Variants in KALRN observed in about 807,000 individuals in gnomAD.
The protein encoded by KALRN is kalirin RhoGEF kinase.
KALRN carries 70 observed loss-of-function variants against 353.7 expected under a neutral mutation model. That is an observed-to-expected ratio of 0.20 (90% CI 0.16 to 0.24). The LOEUF (loss-of-function observed/expected upper bound fraction) is 0.24, where lower values mean the gene tolerates loss of function less well. KALRN is among the 10% of genes least tolerant of loss of function. The pLI is 1.00. For synonymous variants in KALRN, 1,391 were observed against 1,434.8 expected, an observed-to-expected ratio of 0.97 and a Z score of 0.69; for missense variants, 2,791 against 3,756.7, an observed-to-expected ratio of 0.74 and a Z score of 6.72.
chr3:124,132,433 C>T (rs2065412206), intron 1 of KALRN, among the ~76,000 whole-genome samples: 1 of 152,198 alleles, frequency 6.6e-6, no homozygotes, highest in Non-Finnish European at 1.5e-5. Context: ...GAGGGAGCCT[C>T]CATCACTGGG....
intron 10 of KALRN, among the ~76,000 whole-genome samples, chr3:124,382,972 T>C (rs1219947572): frequency 6.6e-6 from 1 of 152,224 alleles, no homozygotes; most frequent in East Asian, 1.9e-4. Context: ...GTGGCAAAAC[T>C]ACTTTCCTCA....
At chr3:124,458,933 CAAAAT>C (rs200303042) in intron 23 of KALRN, among the ~76,000 whole-genome samples, 2,748 of 151,828 alleles carry the variant, frequency 0.018, 39 homozygotes, top group East Asian at 0.073. Flanking sequence ...GAATCCATCT[CAAAAT>C]AAAAAAGAAA....
At chr3:124,507,406 T>C (rs2065357516) in intron 33 of KALRN, among the ~76,000 whole-genome samples, 1 of 152,216 alleles carries the variant, frequency 6.6e-6, no homozygotes, top group Non-Finnish European at 1.5e-5. Flanking sequence ...GTCCCAACCA[T>C]GAAATTTGCT....
chr3:124,486,538 T>A (rs1476880793), intron 28 of KALRN, among the ~76,000 whole-genome samples: 1 of 152,166 alleles, frequency 6.6e-6, no homozygotes, highest in Non-Finnish European at 1.5e-5. Context: ...TTCTTCTTTG[T>A]ACACTCAAAG....
chr3:124,552,694 A>AT (rs1003191871), intron 33 of KALRN, among the ~76,000 whole-genome samples: 1 of 152,034 alleles, frequency 6.6e-6, no homozygotes, highest in Non-Finnish European at 1.5e-5. Flanking sequence ...ATAGTTTACT[A>AT]TTTTTTTCTT....
chr3:124,351,124 T>C (rs1295533065), intron 10 of KALRN, among the ~76,000 whole-genome samples: 1 of 152,084 alleles, frequency 6.6e-6, no homozygotes, highest in Non-Finnish European at 1.5e-5. Context: ...AGGGGTAAAC[T>C]AGGAAGGAAA....
chr3:124,331,129 C>T (rs2080504232), intron 8 of KALRN, among the ~76,000 whole-genome samples: 1 of 152,136 alleles, frequency 6.6e-6, no homozygotes, highest in African/African-American at 2.4e-5. Context: ...AGTAGTAACA[C>T]CTGTCTCATA....
chr3:124,255,023 G>A (rs1051847225), intron 3 of KALRN, among the ~76,000 whole-genome samples: 7 of 152,082 alleles, frequency 4.6e-5, no homozygotes, highest in Non-Finnish European at 8.8e-5. Flanking sequence ...TCAGCTCACT[G>A]CAACCTCCGC....
chr3:124,407,255 T>G (rs2091659920), intron 13 of KALRN, among the ~76,000 whole-genome samples: 1 of 152,214 alleles, frequency 6.6e-6, no homozygotes, highest in East Asian at 1.9e-4. Context: ...CTCCTGACAG[T>G]TAATCAGCAC....
intron 27 of KALRN, among the ~76,000 whole-genome samples, chr3:124,478,118 T>C (rs2061600258): frequency 6.6e-6 from 1 of 152,138 alleles, no homozygotes; most frequent in Non-Finnish European, 1.5e-5. Context: ...AAGGGGTCCC[T>C]GCAGGATTCA....
chr3:124,089,356 G>A (rs534874045), intron 1 of KALRN, among the ~76,000 whole-genome samples: 2 of 152,276 alleles, frequency 1.3e-5, no homozygotes, highest in African/African-American at 4.8e-5. Flanking sequence ...GGCTTCAGCT[G>A]TGGTAACTGG....
intron 12 of KALRN, among the ~76,000 whole-genome samples, chr3:124,396,746 G>A (rs2090208398): frequency 6.6e-6 from 1 of 152,228 alleles, no homozygotes; most frequent in Admixed American, 6.5e-5. Context: ...AGGGCATAAG[G>A]CTACTTGATG....
intron 35 of KALRN, 63 bp from the exon 36 acceptor site, chr3:124,633,789 C>A: frequency 7.0e-7 from 1 of 1,424,062 alleles, no homozygotes; most frequent in South Asian, 1.2e-5. Flanking sequence ...TTGTTAATGT[C>A]AAGTCCAGAA....
intron 10 of KALRN, among the ~76,000 whole-genome samples, chr3:124,383,016 T>C (rs1196555796): frequency 6.6e-6 from 1 of 152,214 alleles, no homozygotes; most frequent in East Asian, 1.9e-4. Flanking sequence ...AATTTCCCAG[T>C]TGGGGCCAAG....
chr3:124,391,960 T>C (rs2089455350), intron 11 of KALRN, among the ~76,000 whole-genome samples: 1 of 152,248 alleles, frequency 6.6e-6, no homozygotes, highest in Non-Finnish European at 1.5e-5. Context: ...GTTGATCTTA[T>C]ACAAACTCCA....
At chr3:124,132,691 A>G (rs1325740963) in intron 1 of KALRN, among the ~76,000 whole-genome samples, 1 of 152,148 alleles carries the variant, frequency 6.6e-6, no homozygotes, top group Non-Finnish European at 1.5e-5. Flanking sequence ...AGAATTGGGG[A>G]AAAGCTTTGT....
In KALRN at chr3:124,323,430, C is replaced by T. The variant is rs368751839; in HGVS notation, c.1093-2550C>T. On this transcript the variant is annotated intron_variant, in intron 6 of 59. Coordinates refer to ENST00000682506, the MANE Select transcript of KALRN (RefSeq NM_001388419.1). ...GGGGGTGGATGGGCAGGAATCCTAT[C>T]TTATTCCTCTTTGATCTCCTACAGC... Among the ~76,000 whole-genome samples, 19 of 152,278 alleles carry T rather than the reference C, an allele frequency of 1.2e-4. No homozygotes were observed. The South Asian group carries it at 3.7e-3, about 30-fold the overall frequency.
At position 124,371,808 on chromosome 3, in the gene KALRN, C is replaced by A. The variant is rs1193041293; in HGVS notation, c.1771-13037C>A. Among the ~76,000 whole-genome samples the A allele has an allele frequency of 2.6e-5, 4 of 152,146 alleles. No homozygotes were observed. In the East Asian group the frequency reaches 5.8e-4, roughly 22 times the overall value. On this transcript the variant is annotated intron_variant, in intron 10 of 59. Transcript: ENST00000682506. ...CTCTAAGTTACAATCTAATTAAATT[C>A]TTTAAGTTGTTTTAAGATATACAAT...
At chr3:124,452,435 T>C (rs946888407) in intron 21 of KALRN, among the ~76,000 whole-genome samples, 14 of 152,208 alleles carry the variant, frequency 9.2e-5, no homozygotes, top group African/African-American at 3.4e-4. Flanking sequence ...TGAAGGAGAC[T>C]TATAAATAAT....
Sources: allele counts gnomAD v4.1 joint callset (sites outside exome capture counted in the v4.1 genomes callset), GRCh38; gene constraint gnomAD v4.1.1; transcripts MANE v1.5; gene names NCBI Gene and HGNC (gene_info 2026-07-23, HGNC 2026-07-21).